The following CDC42SE2 variants were observed in gnomAD, a reference collection of about 807,000 sequenced individuals.
The protein encoded by CDC42SE2 is CDC42 small effector protein 2.
Under a neutral mutation model 11.5 loss-of-function variants are expected in CDC42SE2, and 3 were observed. The ratio of observed to expected loss-of-function variants is 0.26; its 90% CI spans 0.12 to 0.67. The LOEUF (loss-of-function observed/expected upper bound fraction) is 0.67, where lower values mean the gene tolerates loss of function less well. Ranked by LOEUF, CDC42SE2 falls within the 30% of genes least tolerant of loss-of-function variation. The pLI is 0.80. For synonymous variants in CDC42SE2, 33 were observed against 34.8 expected (o/e 0.95, Z 0.18); for missense variants, 82 against 106.8 (o/e 0.77, Z 1.02).
chr5:131,332,298 C>T (rs183348543), intron 2 of CDC42SE2, among the ~76,000 whole-genome samples: 1 of 152,178 alleles, frequency 6.6e-6, no homozygotes, highest in Non-Finnish European at 1.5e-5. Flanking sequence ...GACATGAACT[C>T]CTCCTGTTTT....
intron 2 of CDC42SE2, among the ~76,000 whole-genome samples, chr5:131,351,731 A>G (rs922935696): frequency 9.2e-5 from 14 of 152,384 alleles, no homozygotes; most frequent in African/African-American, 3.1e-4. Flanking sequence ...TAAAAAGTCT[A>G]GAAAAAGAAA....
intron 2 of CDC42SE2, among the ~76,000 whole-genome samples, chr5:131,322,237 G>A (rs1243522113): frequency 6.6e-6 from 1 of 152,154 alleles, no homozygotes; most frequent in African/African-American, 2.4e-5. Context: ...GTAGTGTTAA[G>A]TATGTTCACA....
At chr5:131,231,161 T>C in the CDC42SE2 span, among the ~76,000 whole-genome samples, 6 of 152,182 alleles carry the variant, frequency 3.9e-5, no homozygotes, top group South Asian at 2.1e-4. Flanking sequence ...TCCTTTTTAA[T>C]TCTCTGGAAG....
chr5:131,385,202 C>T (rs1561438015), intron 3 of CDC42SE2, among the ~76,000 whole-genome samples: 1 of 152,208 alleles, frequency 6.6e-6, no homozygotes, highest in African/African-American at 2.4e-5. Context: ...ATTCAAACCA[C>T]TGTGTTCTTT....
At chr5:131,306,345 G>T (rs1757777469) in intron 1 of CDC42SE2, among the ~76,000 whole-genome samples, 1 of 152,146 alleles carries the variant, frequency 6.6e-6, no homozygotes, top group Admixed American at 6.6e-5. Context: ...CTGCTGTATT[G>T]AAGAGACTGT....
intron 1 of CDC42SE2, among the ~76,000 whole-genome samples, chr5:131,252,020 A>C (rs1023179309): frequency 2.0e-5 from 3 of 151,200 alleles, no homozygotes; most frequent in African/African-American, 7.3e-5. Context: ...GTCTCAAAAA[A>C]GTAAGAAGAA....
At chr5:131,365,189 C>T (rs1749818405) in intron 3 of CDC42SE2, among the ~76,000 whole-genome samples, 1 of 151,920 alleles carries the variant, frequency 6.6e-6, no homozygotes, top group South Asian at 2.1e-4. Flanking sequence ...ACTCGGGAGG[C>T]TGAGGCAGGA....
intron 1 of CDC42SE2, among the ~76,000 whole-genome samples, chr5:131,270,467 A>G (rs1321993595): frequency 6.6e-6 from 1 of 152,282 alleles, no homozygotes; most frequent in Non-Finnish European, 1.5e-5. Context: ...TAGTAAAGCA[A>G]AAATGAATTT....
chr5:131,390,523 A>C (rs1237864199), intron 4 of CDC42SE2, among the ~76,000 whole-genome samples: 2 of 152,062 alleles, frequency 1.3e-5, no homozygotes, highest in African/African-American at 2.4e-5. Context: ...AAAAATAGAA[A>C]AATTAGCTGA....
At chr5:131,300,940 A>AC (rs1757665868) in intron 1 of CDC42SE2, among the ~76,000 whole-genome samples, 1 of 152,176 alleles carries the variant, frequency 6.6e-6, no homozygotes, top group Admixed American at 6.6e-5. Flanking sequence ...TAATAAGTAA[A>AC]CACTTTATAC....
At chr5:131,255,779 G>A (rs1159278452) in intron 2 of CDC42SE2, among the ~76,000 whole-genome samples, 1 of 152,096 alleles carries the variant, frequency 6.6e-6, no homozygotes, top group Non-Finnish European at 1.5e-5. Context: ...AAGATTGCAA[G>A]GAAGTTGTGA....
intron 1 of CDC42SE2, among the ~76,000 whole-genome samples, chr5:131,267,771 T>C (rs1396248169): frequency 1.3e-5 from 2 of 152,186 alleles, no homozygotes; most frequent in Admixed American, 1.3e-4. Flanking sequence ...AAAGTCCCAG[T>C]TGTCTTTTTT....
At chr5:131,370,293 G>C (rs1749980969) in intron 3 of CDC42SE2, among the ~76,000 whole-genome samples, 1 of 152,038 alleles carries the variant, frequency 6.6e-6, no homozygotes, top group South Asian at 2.1e-4. Context: ...AAAGAGAAAA[G>C]AAACTTATGG....
chr5:131,217,886 A>G, the CDC42SE2 span, among the ~76,000 whole-genome samples: 1 of 152,210 alleles, frequency 6.6e-6, no homozygotes, highest in African/African-American at 2.4e-5. Flanking sequence ...ATACATTAGA[A>G]AAATGAGGCT....
intron 2 of CDC42SE2, among the ~76,000 whole-genome samples, chr5:131,356,899 C>T (rs1416256451): frequency 2.0e-5 from 3 of 152,134 alleles, no homozygotes; most frequent in African/African-American, 7.2e-5. Flanking sequence ...CACAGTGAGA[C>T]CCTATCTGAA....
the CDC42SE2 span, among the ~76,000 whole-genome samples, chr5:131,217,398 C>A: frequency 6.6e-6 from 1 of 152,144 alleles, no homozygotes; most frequent in Admixed American, 6.6e-5. Flanking sequence ...CCAAATTTGG[C>A]ACATAATTAT....
chr5:131,304,572 T>C (rs1202773567), intron 1 of CDC42SE2, among the ~76,000 whole-genome samples: 2 of 152,258 alleles, frequency 1.3e-5, no homozygotes, highest in East Asian at 3.8e-4. Context: ...ATTTTAAATC[T>C]AATTTCTACC....
intron 1 of CDC42SE2, among the ~76,000 whole-genome samples, chr5:131,278,809 CAG>C (rs1489757194): frequency 2.3e-5 from 2 of 86,530 alleles, no homozygotes; most frequent in South Asian, 5.5e-4. Context: ...TTTTTAAAGA[CAG>C]AGTCTGTTTG....
chr5:131,303,921 G>T (rs1757732158), intron 1 of CDC42SE2, among the ~76,000 whole-genome samples: 1 of 151,934 alleles, frequency 6.6e-6, no homozygotes, highest in Non-Finnish European at 1.5e-5. Context: ...AGAAATCTCT[G>T]CATAGAGATG....
Sources: allele counts gnomAD v4.1 joint callset (sites outside exome capture counted in the v4.1 genomes callset), GRCh38; gene constraint gnomAD v4.1.1; transcripts MANE v1.5; gene names NCBI Gene and HGNC (gene_info 2026-07-23, HGNC 2026-07-21).